Variants in CCT6B observed in about 807,000 individuals in gnomAD.
CCT6B encodes probable T-complex protein 1 subunit zeta-2.
A neutral mutation model predicts 61.5 loss-of-function variants in CCT6B; 49 were observed. The ratio of observed to expected loss-of-function variants is 0.80; its 90% CI spans 0.63 to 1.01. CCT6B has a LOEUF of 1.01. Ranked by LOEUF, CCT6B falls within the 50% of genes least tolerant of loss-of-function variation. The pLI is 0.00. For missense variants in CCT6B, 666 were observed against 634.7 expected (o/e 1.05, Z -0.53); for synonymous variants, 228 against 214.5 (o/e 1.06, Z -0.55).
chr17:34,929,173 A>G (rs2090006259), intron 12 of CCT6B, 139 bp from the exon 13 acceptor site: 2 of 612,584 alleles, frequency 3.3e-6, no homozygotes, highest in Admixed American at 5.7e-5. Context: ...GTTAAATCCA[A>G]TGGTTGATTC....
At chr17:34,958,854 T>C (rs1166618098) in intron 2 of CCT6B, among the ~76,000 whole-genome samples, 160 bp from the exon 3 acceptor site, 7 of 152,164 alleles carry the variant, frequency 4.6e-5, no homozygotes, top group Non-Finnish European at 1.0e-4. Flanking sequence ...AAATGTCAAG[T>C]CCAAAATTTT....
chr17:34,936,773 A>T (rs1038336423), intron 10 of CCT6B, among the ~76,000 whole-genome samples: 1 of 152,156 alleles, frequency 6.6e-6, no homozygotes, highest in Non-Finnish European at 1.5e-5. Context: ...ATTCAAGAAG[A>T]CTCAAATAGA....
intron 5 of CCT6B, among the ~76,000 whole-genome samples, chr17:34,945,279 G>C (rs188155335): frequency 4.6e-5 from 7 of 152,254 alleles, no homozygotes; most frequent in Admixed American, 4.6e-4. Flanking sequence ...TTCTAGTGCA[G>C]ACCTCTATTC....
At chr17:34,938,822 C>T (rs146034665) in intron 10 of CCT6B, among the ~76,000 whole-genome samples, 209 of 152,290 alleles carry the variant, frequency 1.4e-3, no homozygotes, top group African/African-American at 4.6e-3. Flanking sequence ...GTGGCTCACA[C>T]GTGTAATTTC....
At chr17:34,933,903 T>C (rs944743682) in intron 10 of CCT6B, among the ~76,000 whole-genome samples, 19 of 151,954 alleles carry the variant, frequency 1.3e-4, no homozygotes, top group South Asian at 6.2e-4. Context: ...CCAAGGCAGG[T>C]AGATCACTTG....
chr17:34,961,425 A>T lies in CCT6B; in HGVS notation c.-32T>A, dbSNP rs75374508. ...ACCGTTCAGAGGGAGAAAAAAAAAA[A>T]GCCTTAGTCGCGATTCTGAGCAAAA... On this transcript the variant is annotated 5_prime_UTR_variant, in exon 1 of 14. Transcript: ENST00000314144. 2.6e-6 allele frequency: 4 copies of T among 1,563,200 alleles called. No individual in the cohort carries two copies. The East Asian group carries it at 6.7e-5, about 26-fold the overall frequency.
At chr17:34,956,523 C>A (rs1168472860) in intron 3 of CCT6B, among the ~76,000 whole-genome samples, 1 of 152,164 alleles carries the variant, frequency 6.6e-6, no homozygotes, top group East Asian at 1.9e-4. Context: ...CTCACCCTTG[C>A]CAAACTCCTT....
At chr17:34,932,645 T>A (rs912871687) in intron 10 of CCT6B, 145 bp from the exon 11 acceptor site, 17 of 658,298 alleles carry the variant, frequency 2.6e-5, no homozygotes, top group Middle Eastern at 5.2e-4. Flanking sequence ...TACTCAGTTA[T>A]CTTATGAAAC....
chr17:34,945,927 T>G (rs8068436), intron 5 of CCT6B, among the ~76,000 whole-genome samples: 62 of 152,352 alleles, frequency 4.1e-4, no homozygotes, highest in African/African-American at 1.5e-3. Context: ...TAAAGTCATT[T>G]GACAATCCAG....
chr17:34,946,690 G>A (rs1271930808), intron 5 of CCT6B, among the ~76,000 whole-genome samples: 1 of 152,192 alleles, frequency 6.6e-6, no homozygotes, highest in South Asian at 2.1e-4. Flanking sequence ...ATAAACTGTG[G>A]TATATTAACA....
chr17:34,952,623 C>T (rs2142173505), intron 4 of CCT6B, among the ~76,000 whole-genome samples: 1 of 152,192 alleles, frequency 6.6e-6, no homozygotes, highest in South Asian at 2.1e-4. Context: ...ATTGACACTC[C>T]AGAAAGCTAC....
chr17:34,939,504 C>T (rs1567665905), intron 9 of CCT6B, 113 bp downstream of exon 9: 1 of 853,134 alleles, frequency 1.2e-6, no homozygotes, highest in Non-Finnish European at 1.8e-6. Flanking sequence ...AAAATCTGTT[C>T]TGTGAATTAG....
At position 34,953,341 on chromosome 17, in the gene CCT6B, A is replaced by ATATATATT. The variant is rs1555550678; in HGVS notation, c.510+1084_510+1085insAATATATA. On this transcript the variant is annotated intron_variant, in intron 4 of 13. Coordinates refer to ENST00000314144, the MANE Select transcript of CCT6B (RefSeq NM_006584.4). Reference sequence around the variant, plus strand: ...AAAATATATATATATATATATATATATTTTTTTGAGACAAAGTTTCACTCT... The same window carrying ATATATATT: ...AAAATATATATATATATATATATATATATATATTTTTTTTTGAGACAAAGTTTCACTCT... 9.3e-4 allele frequency among the ~76,000 whole-genome samples: 130 copies of ATATATATT among 139,808 alleles called. 2 individuals are homozygous for ATATATATT. The highest frequency in any genetic ancestry group is 1.4e-3 in the Admixed American group (19 of 13,952). 91.7% of individuals were successfully genotyped at this position (139,808 alleles called of 152,430 possible).
chr17:34,938,781 A>G (rs1211521048), intron 10 of CCT6B, among the ~76,000 whole-genome samples: 1 of 152,060 alleles, frequency 6.6e-6, no homozygotes, highest in East Asian at 1.9e-4. Flanking sequence ...TAATAAAAAT[A>G]AAATTTAAAA....
rs138755077 is a variant in CCT6B, at chr17:34,943,345, C to T, written c.615-439G>A. The T allele has an allele frequency of 3.7e-3, 561 of 152,792 alleles. 5 individuals carry two copies. The highest frequency in any genetic ancestry group is 0.013 in the African/African-American group (536 of 41,494). 9.5% of individuals were successfully genotyped at this position (152,792 alleles called of 1,614,324 possible). A position where few individuals can be genotyped will look rare whatever the true frequency, so the allele number is the denominator to read the frequency against. ...ACAGCTTATCAAGTAATGAAAGGTACGTATACAATGAGTTTCTTAGGAACA... is the reference window on the plus strand; with the variant it reads ...ACAGCTTATCAAGTAATGAAAGGTATGTATACAATGAGTTTCTTAGGAACA... On this transcript the variant is annotated intron_variant, in intron 5 of 13. Transcript: ENST00000314144.
chr17:34,953,043 GT>G (rs894946692), intron 4 of CCT6B, among the ~76,000 whole-genome samples: 5 of 150,258 alleles, frequency 3.3e-5, no homozygotes, highest in South Asian at 2.1e-4. Context: ...TTCCCAAGTT[GT>G]TTTTTTTTAA....
intron 5 of CCT6B, chr17:34,943,954 T>G (rs2142157489): frequency 6.6e-6 from 1 of 152,146 alleles, no homozygotes; most frequent in Non-Finnish European, 1.5e-5. Flanking sequence ...CTTTATAAAA[T>G]TCATTTACAA....
intron 12 of CCT6B, 123 bp from the exon 13 acceptor site, chr17:34,929,157 C>T (rs1353847576): frequency 1.6e-6 from 1 of 635,716 alleles, no homozygotes; most frequent in Non-Finnish European, 2.8e-6. Flanking sequence ...CAATGACCTC[C>T]ATATTGTTAA....
chr17:34,946,144 T>C (rs114899415), intron 5 of CCT6B, among the ~76,000 whole-genome samples: 2,999 of 152,302 alleles, frequency 0.02, 111 homozygotes, highest in African/African-American at 0.069. Context: ...TCATATCAAA[T>C]GGATATTCCC....
Sources: gnomAD v4.1 joint callset for allele counts (sites outside exome capture counted in the v4.1 genomes callset) on GRCh38, gnomAD v4.1.1 for gene constraint, MANE v1.5 for transcripts, NCBI Gene and HGNC (gene_info 2026-07-23, HGNC 2026-07-21) for gene names.